PRCP: variants seen among roughly 807,000 people sequenced by gnomAD.
PRCP encodes prolylcarboxypeptidase, also known as lysosomal Pro-X carboxypeptidase.
PRCP carries 46 observed loss-of-function variants against 54.2 expected under a neutral mutation model. That is an observed-to-expected ratio of 0.85 (90% CI 0.67 to 1.09). PRCP has a LOEUF of 1.09. PRCP is among the 50% of genes least tolerant of loss of function. The pLI is 0.00. For synonymous variants in PRCP, 240 were observed against 212.2 expected (o/e 1.13, Z -1.14); for missense variants, 613 against 596.8 (o/e 1.03, Z -0.28).
intron 1 of PRCP, among the ~76,000 whole-genome samples, chr11:82,877,028 C>A (rs1271971842): frequency 2.6e-5 from 4 of 152,152 alleles, no homozygotes; most frequent in African/African-American, 9.7e-5. Context: ...CTGAGGTGGT[C>A]TCAGACGGAG....
Position 82,853,158 on chromosome 11 carries a change from A to T in PRCP, c.411+19T>A. 6.5e-7 allele frequency: 1 copy of T among 1,531,028 alleles called. No individual in the cohort carries two copies. The highest frequency in any genetic ancestry group is 8.9e-7 in the Non-Finnish European group (1 of 1,121,604). The allele number at this position is 1,531,028 out of a possible 1,614,324, so 94.8% of individuals were successfully genotyped here. A position where few individuals can be genotyped will look rare whatever the true frequency, so the allele number is the denominator to read the frequency against. On this transcript the variant is annotated intron_variant, in intron 3 of 8. Coordinates refer to ENST00000313010, the MANE Select transcript of PRCP (RefSeq NM_005040.4). ...TGAAAAGAAAAAGCTTGTAACTTTT[A>T]AGTAAAAAGTATCTTTACCTTGAAT...
At chr11:82,840,279 G>A (rs780097338) in intron 6 of PRCP, 1 of 151,830 alleles carries the variant, frequency 6.6e-6, no homozygotes, top group Non-Finnish European at 1.5e-5. Context: ...ACTTTCTTGG[G>A]TACAGAAATA....
At chr11:82,853,442 T>C (rs1475561055) in intron 2 of PRCP, among the ~76,000 whole-genome samples, 164 bp from the exon 3 acceptor site, 1 of 152,214 alleles carries the variant, frequency 6.6e-6, no homozygotes, top group Non-Finnish European at 1.5e-5. Flanking sequence ...ATAATTGATG[T>C]CTTATTGTTG....
At chr11:82,864,306 A>G (rs888865798) in intron 1 of PRCP, among the ~76,000 whole-genome samples, 1 of 152,220 alleles carries the variant, frequency 6.6e-6, no homozygotes, top group African/African-American at 2.4e-5. Flanking sequence ...CCTTCCTATC[A>G]TCAAGGATAT....
intron 2 of PRCP, among the ~76,000 whole-genome samples, chr11:82,857,022 G>A (rs1437069796): frequency 2.5e-4 from 30 of 118,780 alleles, no homozygotes; most frequent in East Asian, 1.9e-3. Flanking sequence ...GCGACAGAGC[G>A]AGCCTCTGTC....
chr11:82,897,184 GT>G (rs1290032362), intron 1 of PRCP, among the ~76,000 whole-genome samples: 1 of 151,994 alleles, frequency 6.6e-6, no homozygotes, highest in Non-Finnish European at 1.5e-5. Context: ...TCCTAATTCA[GT>G]TATTTCAGGT....
chr11:82,842,569 A>T (rs1441443274), intron 6 of PRCP, among the ~76,000 whole-genome samples: 1 of 152,194 alleles, frequency 6.6e-6, no homozygotes, highest in African/African-American at 2.4e-5. Flanking sequence ...ATTACAAATA[A>T]GGCTACAATA....
intron 1 of PRCP, among the ~76,000 whole-genome samples, chr11:82,875,681 C>A (rs1859586431): frequency 6.6e-6 from 1 of 152,080 alleles, no homozygotes; most frequent in African/African-American, 2.4e-5. Context: ...GACAAGCAAG[C>A]AAAGAAATTA....
At chr11:82,875,841 C>T (rs1173153743) in intron 1 of PRCP, among the ~76,000 whole-genome samples, 1 of 152,260 alleles carries the variant, frequency 6.6e-6, no homozygotes, top group South Asian at 2.1e-4. Flanking sequence ...TGTCCTGGCA[C>T]CCTGCTCACC....
chr11:82,867,352 A>C (rs1859362699), intron 1 of PRCP, among the ~76,000 whole-genome samples: 1 of 152,196 alleles, frequency 6.6e-6, no homozygotes, highest in African/African-American at 2.4e-5. Context: ...CTAAGTTATC[A>C]AAATGCTGTG....
chr11:82,876,549 A>G (rs1424255111), intron 1 of PRCP, among the ~76,000 whole-genome samples: 1 of 152,162 alleles, frequency 6.6e-6, no homozygotes, highest in Non-Finnish European at 1.5e-5. Context: ...GGGGGAGGTT[A>G]CTGAATCATG....
chr11:82,866,211 G>A (rs1380802828), intron 1 of PRCP, among the ~76,000 whole-genome samples: 3 of 152,218 alleles, frequency 2.0e-5, no homozygotes, highest in Admixed American at 6.5e-5. Flanking sequence ...AAGAGGAAAC[G>A]GTATCCCCCA....
chr11:82,859,563 T>G (rs994234797), intron 2 of PRCP, among the ~76,000 whole-genome samples: 1 of 152,138 alleles, frequency 6.6e-6, no homozygotes, highest in Non-Finnish European at 1.5e-5. Flanking sequence ...CCGTTTCCCT[T>G]ATATGCTTGT....
rs372663948 is a variant in PRCP at position 82,849,054 on chromosome 11, T to C, written c.916A>G (p.Ile306Val). 6.2e-6 allele frequency: 10 copies of C among 1,612,316 alleles called. No individual in the cohort carries two copies. The highest frequency in any genetic ancestry group is 1.1e-5 in the South Asian group (1 of 90,712). ...NFLQPLPAWP[I>V]KVVCQYLKNP... The stretch of plus-strand genomic sequence containing the variant: ...ACAGGACATTTTCCTATTACCTTGA[T>C]AGGCCAAGCAGGCAAAGGCTGTAAA... The change falls in exon 6 of 9, where the codon ATC becomes GTC. Residue 306 changes from isoleucine (I) to valine (V), a missense_variant. Ile to Val is a conservative substitution (Grantham distance 29, BLOSUM62 3). Transcript: ENST00000313010.
Position 82,824,738 on chromosome 11 carries a change from T to C in PRCP, c.*168A>G. On this transcript the variant is annotated 3_prime_UTR_variant, in exon 9 of 9. Transcript: ENST00000313010. ...GACAGTGAGAACCCAGGAAATCACA[T>C]TCATGGGACACTTGCTCTTACCGTC... is the stretch of plus-strand genomic sequence containing the variant. 1 of 679,392 alleles carries C rather than the reference T, an allele frequency of 1.5e-6. No individual in the cohort carries two copies. The highest frequency in any genetic ancestry group is 1.9e-5 in the South Asian group (1 of 51,824). 42.1% of individuals were successfully genotyped at this position (679,392 alleles called of 1,614,324 possible).
Position 82,850,088 on chromosome 11 carries a change from T to C in PRCP, c.594-17A>G. ...GCAAGAGCTCTAAATGGCAAGAAAA[T>C]CAAAGAAAGAAAAAAGAAAAGAAAA... On this transcript the variant is annotated splice_polypyrimidine_tract_variant and intron_variant, in intron 4 of 8. Transcript: ENST00000313010. The C allele has an allele frequency of 7.5e-7, 1 of 1,329,572 alleles. No homozygotes were observed. The highest frequency in any genetic ancestry group is 9.7e-7 in the Non-Finnish European group (1 of 1,033,344). 82.4% of individuals were successfully genotyped at this position (1,329,572 alleles called of 1,614,324 possible).
At chr11:82,877,463 G>T (rs1469740491) in intron 1 of PRCP, among the ~76,000 whole-genome samples, 1 of 152,158 alleles carries the variant, frequency 6.6e-6, no homozygotes, top group African/African-American at 2.4e-5. Context: ...AGGAAAAAGT[G>T]GTTACGTGGG....
In PRCP at chr11:82,853,282, A is replaced by C. The variant is rs1859003966; in HGVS notation, c.310-4T>G. On this transcript the variant is annotated splice_polypyrimidine_tract_variant and splice_region_variant and intron_variant, in intron 2 of 8. Coordinates refer to ENST00000313010, the MANE Select transcript of PRCP (RefSeq NM_005040.4). ...CAGCCACATCCCACATGAACCCCTA[A>C]GAAGAGTTTACAAAATCACAGGATA... The C allele has an allele frequency of 1.9e-6, 3 of 1,595,820 alleles. No homozygotes were observed. Among genetic ancestry groups the C allele is most frequent in the Non-Finnish European group, 2.6e-6 (3 of 1,172,006 alleles).
At chr11:82,900,656 T>C, upstream of PRCP, 1 of 646,826 alleles carries the variant, frequency 1.5e-6, no homozygotes, top group Non-Finnish European at 2.9e-6. Context: ...CTCACCTTCA[T>C]TGCGGTCACA....
Sources: gnomAD v4.1 joint callset for allele counts (sites outside exome capture counted in the v4.1 genomes callset) on GRCh38, gnomAD v4.1.1 for gene constraint, MANE v1.5 for transcripts, NCBI Gene and HGNC (gene_info 2026-07-23, HGNC 2026-07-21) for gene names.